The following GRM3 variants were observed in gnomAD, a reference collection of about 807,000 sequenced individuals.
The protein encoded by GRM3 is metabotropic glutamate receptor 3.
GRM3 carries 26 observed loss-of-function variants against 70.5 expected under a neutral mutation model. The ratio of observed to expected loss-of-function variants is 0.37; its 90% CI spans 0.27 to 0.51. The LOEUF (loss-of-function observed/expected upper bound fraction) is 0.51, where lower values mean the gene tolerates loss of function less well. GRM3 is among the 20% of genes least tolerant of loss of function. GRM3 has a pLI of 0.93. For missense variants in GRM3, 859 were observed against 1,123.8 expected (o/e 0.76, Z 3.37); for synonymous variants, 443 against 434.9 (o/e 1.02, Z -0.23).
At position 86,742,591 on chromosome 7, in the gene GRM3, G is replaced by A. The variant is rs369428176; in HGVS notation, c.-140-22415G>A. ...AAAGGAGACAGTAAGAAATTGGGCT[G>A]GATTGGTACAGTTTACAAGATTATA... On this transcript the variant is annotated intron_variant, in intron 1 of 5. Coordinates refer to ENST00000361669, the MANE Select transcript of GRM3 (RefSeq NM_000840.3). 3.9e-5 allele frequency among the ~76,000 whole-genome samples: 6 copies of A among 152,134 alleles called. No individual in the cohort carries two copies. The East Asian group carries it at 5.8e-4, about 15-fold the overall frequency.
At chr7:86,685,389 C>T (rs1213317570) in intron 1 of GRM3, among the ~76,000 whole-genome samples, 3 of 152,050 alleles carry the variant, frequency 2.0e-5, no homozygotes, top group East Asian at 1.9e-4. Context: ...AAGGCATCAT[C>T]GATTAGAAAA....
At chr7:86,749,974 C>T (rs915366624) in intron 1 of GRM3, among the ~76,000 whole-genome samples, 32 of 152,064 alleles carry the variant, frequency 2.1e-4, no homozygotes, top group African/African-American at 7.5e-4. Flanking sequence ...GCTAGTTTTA[C>T]TCATCTATTT....
intron 1 of GRM3, 140 bp from the exon 2 acceptor site, chr7:86,764,866 G>C: frequency 2.6e-6 from 1 of 377,590 alleles, no homozygotes; most frequent in Non-Finnish European, 4.6e-6. Context: ...ACCTGTGAGA[G>C]AGTGCCTGGT....
chr7:86,765,764 T>C (rs1231716781), intron 2 of GRM3, 151 bp downstream of exon 2: 2 of 716,058 alleles, frequency 2.8e-6, no homozygotes, highest in African/African-American at 3.6e-5. Context: ...ATAATATAGG[T>C]TTGCAGGCAG....
At chr7:86,737,144 C>A (rs1225831496) in intron 1 of GRM3, among the ~76,000 whole-genome samples, 2 of 152,052 alleles carry the variant, frequency 1.3e-5, no homozygotes, top group African/African-American at 4.8e-5. Flanking sequence ...TAAGCAAAAC[C>A]TTGAGCTTGA....
chr7:86,644,905 GAGGGCGCCCAGCC>G (rs1447911659), intron 1 of GRM3, 33 bp downstream of exon 1: 7 of 1,216,328 alleles, frequency 5.8e-6, no homozygotes, highest in Non-Finnish European at 5.4e-6. Flanking sequence ...TGTCCCTCTG[GAGGGCGCCCAGCC>G]AGGGCGCGGA....
At chr7:86,815,270 G>A (rs1040476081) in intron 3 of GRM3, among the ~76,000 whole-genome samples, 2 of 151,706 alleles carry the variant, frequency 1.3e-5, no homozygotes, top group Non-Finnish European at 2.9e-5. Flanking sequence ...GAAACCTCAT[G>A]AGGACAAAAC....
intron 1 of GRM3, among the ~76,000 whole-genome samples, chr7:86,662,856 C>A (rs1171631589): frequency 6.6e-6 from 1 of 151,866 alleles, no homozygotes; most frequent in East Asian, 1.9e-4. Flanking sequence ...TGAGAGCCAC[C>A]AAATGTAGTA....
At chr7:86,650,667 C>G (rs1793581805) in intron 1 of GRM3, among the ~76,000 whole-genome samples, 1 of 152,200 alleles carries the variant, frequency 6.6e-6, no homozygotes, top group South Asian at 2.1e-4. Flanking sequence ...GAAATAAACA[C>G]CAGGTCTGAA....
At chr7:86,722,693 C>G (rs1416267991) in intron 1 of GRM3, among the ~76,000 whole-genome samples, 1 of 151,924 alleles carries the variant, frequency 6.6e-6, no homozygotes, top group East Asian at 1.9e-4. Flanking sequence ...ACCATTGCAC[C>G]TGTACACCTA....
At chr7:86,770,941 C>T (rs1046576287) in intron 2 of GRM3, among the ~76,000 whole-genome samples, 1 of 152,058 alleles carries the variant, frequency 6.6e-6, no homozygotes, top group Admixed American at 6.6e-5. Context: ...GTAGCATCAC[C>T]ACCCTCTACC....
chr7:86,835,894 G>A (rs1798447733), intron 3 of GRM3, among the ~76,000 whole-genome samples: 1 of 152,104 alleles, frequency 6.6e-6, no homozygotes, highest in Non-Finnish European at 1.5e-5. Flanking sequence ...TAACAGATAT[G>A]AGCCATCACA....
chr7:86,652,374 A>G (rs933159984), intron 1 of GRM3, among the ~76,000 whole-genome samples: 2 of 152,148 alleles, frequency 1.3e-5, no homozygotes, highest in African/African-American at 4.8e-5. Context: ...TCTGTTGCCC[A>G]GGCTGGAGTG....
chr7:86,666,553 A>G (rs1363352752), intron 1 of GRM3, among the ~76,000 whole-genome samples: 4 of 152,226 alleles, frequency 2.6e-5, no homozygotes, highest in East Asian at 1.9e-4. Context: ...ACAGAACTTG[A>G]TCTTTTAAAG....
intron 3 of GRM3, among the ~76,000 whole-genome samples, chr7:86,813,655 T>A (rs1584260303): frequency 6.6e-6 from 1 of 151,780 alleles, no homozygotes. Context: ...ATGTGTTGTT[T>A]AACAGGCCAC....
chr7:86,809,120 G>A (rs1223018497), intron 3 of GRM3, among the ~76,000 whole-genome samples: 5 of 151,898 alleles, frequency 3.3e-5, no homozygotes, highest in Admixed American at 2.0e-4. Context: ...GGATTCCCCC[G>A]CCATTTAAAT....
intron 3 of GRM3, among the ~76,000 whole-genome samples, chr7:86,823,126 G>A (rs1036551909): frequency 6.6e-6 from 1 of 152,074 alleles, no homozygotes; most frequent in Admixed American, 6.5e-5. Flanking sequence ...CAGCTGCAAG[G>A]CTATCACAAT....
intron 4 of GRM3, among the ~76,000 whole-genome samples, chr7:86,846,071 C>T (rs781179140): frequency 2.1e-4 from 32 of 151,926 alleles, no homozygotes; most frequent in Non-Finnish European, 4.3e-4. Context: ...GGAAGTTTTC[C>T]AGGGCTGTCG....
At chr7:86,732,995 G>A (rs982459697) in intron 1 of GRM3, among the ~76,000 whole-genome samples, 4 of 152,060 alleles carry the variant, frequency 2.6e-5, no homozygotes, top group Non-Finnish European at 4.4e-5. Context: ...GAGACACTGT[G>A]GGGGAAGAAG....
Sources: allele counts gnomAD v4.1 joint callset (sites outside exome capture counted in the v4.1 genomes callset), GRCh38; gene constraint gnomAD v4.1.1; transcripts MANE v1.5; gene names NCBI Gene and HGNC (gene_info 2026-07-23, HGNC 2026-07-21).